The following HYOU1 variants were observed in gnomAD, a reference collection of about 807,000 sequenced individuals.
The protein encoded by HYOU1 is hypoxia up-regulated 1.
In HYOU1, 40 loss-of-function variants were observed where a neutral mutation model predicts 120.5. That is an observed-to-expected ratio of 0.33 (90% CI 0.26 to 0.43). The LOEUF is 0.43. HYOU1 is among the 20% of genes least tolerant of loss of function. The pLI is 1.00. For missense variants in HYOU1, 1,085 were observed against 1,278.3 expected, an observed-to-expected ratio of 0.85 and a Z score of 2.31; for synonymous variants, 501 against 479.4, an observed-to-expected ratio of 1.05 and a Z score of -0.59.
In HYOU1 at chr11:119,055,350, A is replaced by G. The variant is rs1314606536; in HGVS notation, c.265-11T>C. ...TGGATTCTTAATCGCCTGAGGGGTG[A>G]AGAAGGAGCAGACTAGTATTAGGCT... On this transcript the variant is annotated splice_polypyrimidine_tract_variant and intron_variant, in intron 4 of 25. Coordinates refer to ENST00000617285, the MANE Select transcript of HYOU1 (RefSeq NM_006389.5). The surrounding 1 kb of genome is among the most constrained non-coding windows in gnomAD (Gnocchi z 4.0). 7 of 1,612,000 alleles carry G rather than the reference A, an allele frequency of 4.3e-6. No homozygotes were observed. Among genetic ancestry groups the G allele is most frequent in the African/African-American group, 1.3e-5 (1 of 74,814 alleles).
rs2133550889 is a variant in HYOU1, at chr11:119,046,552, C to T, written c.2836+10G>A. 3.5e-5 allele frequency: 57 copies of T among 1,613,650 alleles called. No individual in the cohort carries two copies. Among genetic ancestry groups the T allele is most frequent in the African/African-American group, 8.0e-5 (6 of 74,920 alleles). On this transcript the variant is annotated intron_variant, in intron 23 of 25. Coordinates refer to ENST00000617285, the MANE Select transcript of HYOU1 (RefSeq NM_006389.5). ...CCAGCAGAACATGCAGCCAGGTACC[C>T]TGTTCTCACCTGCTGGAGGGATGAC...
chr11:119,051,840 A>G lies in HYOU1; in HGVS notation c.1317T>C (p.Asp439=). 1 of 1,614,164 alleles carries G rather than the reference A, an allele frequency of 6.2e-7. No individual in the cohort carries two copies. ...TCACCAGGATGGGGTAGACCACTGC[A>G]TCTCGGACGACAAATGGCTTCACTT... ...AFKVKPFVVR[D]AVVYPILVEF... is the part of the protein sequence containing the mutation. Residue 439 remains aspartate (D), a synonymous_variant, in exon 12 of 26, where the codon GAT becomes GAC. Coordinates refer to ENST00000617285, the MANE Select transcript of HYOU1 (RefSeq NM_006389.5). This position sits in a 1 kb window ranked among gnomAD's most constrained non-coding sequence, Gnocchi z 4.2.
chr11:119,046,680 G>A lies in HYOU1; in HGVS notation c.2718C>T (p.Leu906=), dbSNP rs2133552351. The A allele has an allele frequency of 6.2e-7, 1 of 1,614,064 alleles. No individual in the cohort carries two copies. Among genetic ancestry groups the A allele is most frequent in the South Asian group, 1.1e-5 (1 of 91,070 alleles). The change falls in exon 23 of 26, where the codon CTC becomes CTT. Residue 906 remains leucine, a synonymous_variant. Transcript: ENST00000617285. ...GGGGCTTGGTAAACTTGGCCTTATTGAGCAGATACTGCACCTCTCGGTCCA... is the reference window on the plus strand; with the variant it reads ...GGGGCTTGGTAAACTTGGCCTTATTAAGCAGATACTGCACCTCTCGGTCCA... The part of the protein sequence containing the change: ...MALDREVQYL[L]NKAKFTKPRP...
Position 119,047,781 on chromosome 11 carries a change from T to G in HYOU1, c.2548A>C (p.Thr850Pro). 1.2e-6 allele frequency: 2 copies of G among 1,614,022 alleles called. No individual in the cohort carries two copies. The highest frequency in any genetic ancestry group is 1.7e-6 in the Non-Finnish European group (2 of 1,179,994). Residue 850 changes from threonine (T) to proline (P), a missense_variant, in exon 22 of 26, where the codon ACT (threonine) becomes CCT (proline). Physicochemically the swap from Thr to Pro is conservative, Grantham distance 38. Transcript: ENST00000617285. ...RLIPEMDQIF[T>P]EVEMTTLEKV... ...TCTAACGTTGTCATCTCCACCTCAG[T>G]GAAGATCTGGTCCATCTCTGGGATG...
chr11:119,046,692 C>T lies in HYOU1; in HGVS notation c.2706G>A (p.Val902=). The T allele has an allele frequency of 1.2e-6, 2 of 1,613,866 alleles. 1 individual carries two copies. The highest frequency in any genetic ancestry group is 2.2e-5 in the South Asian group (2 of 91,082). The change falls in exon 23 of 26, where the codon GTG becomes GTA. Residue 902 remains valine (V), a synonymous_variant. Coordinates refer to ENST00000617285, the MANE Select transcript of HYOU1 (RefSeq NM_006389.5). Reference sequence around the variant, plus strand: ...ACTTGGCCTTATTGAGCAGATACTGCACCTCTCGGTCCAGGGCCATCATCT... The same window carrying T: ...ACTTGGCCTTATTGAGCAGATACTGTACCTCTCGGTCCAGGGCCATCATCT... ...EAKMMALDRE[V]QYLLNKAKFT...
intron 22 of HYOU1, among the ~76,000 whole-genome samples, 186 bp from the exon 23 acceptor site, chr11:119,046,988 C>T (rs2133554584): frequency 6.6e-6 from 1 of 152,204 alleles, no homozygotes; most frequent in African/African-American, 2.4e-5. Context: ...CAATGAAGTC[C>T]CAACCTGCAG....
Position 119,048,781 on chromosome 11 carries a change from C to T in HYOU1, c.2098G>A (p.Gly700Arg), listed in dbSNP as rs2133567055. ...ARKRRMVEEI[G>R]VELVVLDLPD... ...AGGTCCAGAACAACCAGCTCCACCC[C>T]GATCTCCTCTACCATTCGCCGCTTC... The change falls in exon 18 of 26, where the codon GGG becomes AGG. Residue 700 changes from glycine (G) to arginine (R), a missense_variant. Physicochemically the swap from Gly to Arg is moderately radical, Grantham distance 125. Coordinates refer to ENST00000617285, the MANE Select transcript of HYOU1 (RefSeq NM_006389.5). This position sits in a 1 kb window ranked among gnomAD's most constrained non-coding sequence, Gnocchi z 4.7. 1.1e-5 allele frequency: 17 copies of T among 1,613,994 alleles called. No individual in the cohort carries two copies. Among genetic ancestry groups the T allele is most frequent in the Admixed American group, 1.7e-5 (1 of 59,976 alleles).
chr11:119,048,515 T>C lies in HYOU1; in HGVS notation c.2214A>G (p.Lys738=), dbSNP rs2133565003. The C allele has an allele frequency of 6.2e-7, 1 of 1,612,184 alleles. No homozygotes were observed. Among genetic ancestry groups the C allele is most frequent in the South Asian group, 1.1e-5 (1 of 90,974 alleles). The change falls in exon 19 of 26, where the codon AAA becomes AAG. Residue 738 remains lysine (K), a synonymous_variant. Transcript: ENST00000617285. This position sits in a 1 kb window ranked among gnomAD's most constrained non-coding sequence, Gnocchi z 4.7. The part of the protein sequence containing the change: ...LRDLEKQERE[K]AANSLEAFIF... The stretch of plus-strand genomic sequence containing the variant: ...TGAATGCTTCCAAGCTGTTGGCAGC[T>C]TTTTCCCGTTCCTGCTTCTCCAGGT...
Position 119,051,332 on chromosome 11 carries a change from T to A in HYOU1, c.1526+106A>T. ...AGCGAAGCTGATCATAGCTGCCCTG[T>A]TTCAGCCCCGCAGGCCCACATCCTC... On this transcript the variant is annotated intron_variant, in intron 13 of 25. Coordinates refer to ENST00000617285, the MANE Select transcript of HYOU1 (RefSeq NM_006389.5). The surrounding 1 kb of genome is among the most constrained non-coding windows in gnomAD (Gnocchi z 4.2). The A allele has an allele frequency of 6.0e-6, 9 of 1,491,530 alleles. No homozygotes were observed. In the South Asian group the frequency reaches 6.1e-5, roughly 10 times the overall value. 92.4% of individuals were successfully genotyped at this position (1,491,530 alleles called of 1,614,324 possible).
rs2133558306 is a variant in HYOU1 at position 119,047,810 on chromosome 11, C to T, written c.2519G>A (p.Arg840Gln). The T allele has an allele frequency of 3.2e-5, 52 of 1,613,732 alleles. No individual in the cohort carries two copies. The East Asian group carries it at 7.8e-4, about 24-fold the overall frequency. ...GATCTGGTCCATCTCTGGGATGAGC[C>T]GGGCCCCCCTGGAAGCCAGAAAGGA... ...NHSSMFLKGARLIPEMDQIFT... is the reference protein window; with the variant it reads ...NHSSMFLKGAQLIPEMDQIFT... Residue 840 changes from arginine to glutamine, a missense_variant, in exon 22 of 26, where the codon CGG becomes CAG. Physicochemically the swap from Arg to Gln is conservative, Grantham distance 43. Coordinates refer to ENST00000617285, the MANE Select transcript of HYOU1 (RefSeq NM_006389.5).
Position 119,045,061 on chromosome 11 carries a change from G to C in HYOU1, c.*532C>G. 2.3e-6 allele frequency: 1 copy of C among 443,746 alleles called. No individual in the cohort carries two copies. Among genetic ancestry groups the C allele is most frequent in the Non-Finnish European group, 4.6e-6 (1 of 216,332 alleles). The allele number at this position is 443,746 out of a possible 1,614,324, so 27.5% of individuals were successfully genotyped here. On this transcript the variant is annotated 3_prime_UTR_variant, in exon 26 of 26. Coordinates refer to ENST00000617285, the MANE Select transcript of HYOU1 (RefSeq NM_006389.5). ...AGGAGCTGGATGGGAATGGGGAAGG[G>C]AGGCTCAGAGCAAGAGAAGCCCGCA...
chr11:119,056,268 T>C (rs782499304), intron 1 of HYOU1, 101 bp from the exon 2 acceptor site: 27 of 837,286 alleles, frequency 3.2e-5, no homozygotes, highest in Non-Finnish European at 4.7e-5. Flanking sequence ...TCATATCTAC[T>C]TCATTCTTAC....
At position 119,045,363 on chromosome 11, in the gene HYOU1, AG is replaced by A. The variant is rs34038139; in HGVS notation, c.*229del. ...TTTAGGGCCTATATGGGTAGGGAAC[AG>A]GGAGTGGGGCTGGGGAGGAGAACAG... On this transcript the variant is annotated 3_prime_UTR_variant, in exon 26 of 26. Coordinates refer to ENST00000617285, the MANE Select transcript of HYOU1 (RefSeq NM_006389.5). 8.8e-6 allele frequency: 6 copies of A among 679,434 alleles called. No individual in the cohort carries two copies. The highest frequency in any genetic ancestry group is 1.3e-5 in the Non-Finnish European group (5 of 371,728). The allele number at this position is 679,434 out of a possible 1,614,324, so 42.1% of individuals were successfully genotyped here.
In HYOU1 at chr11:119,049,203, C is replaced by A; in HGVS notation, c.1807G>T (p.Glu603Ter). ...AKENGTDTVQ[E>*]EEESPAEGSK... ...CCCTCTGCAGGGCTCTCCTCTTCCT[C>A]CTGGGAAACACCACAGGCGCCCCAG... Residue 603 changes from glutamate to a stop codon, truncating the protein, a stop_gained and splice_region_variant, in exon 17 of 26, where the codon GAG (glutamate) becomes TAG (stop). Transcript: ENST00000617285. LOFTEE classifies it high-confidence loss of function. 1.3e-6 allele frequency: 2 copies of A among 1,591,950 alleles called. No homozygotes were observed. The highest frequency in any genetic ancestry group is 1.7e-6 in the Non-Finnish European group (2 of 1,169,848).
rs1944011856 is a variant in HYOU1, at chr11:119,045,563, G to A, written c.*30C>T. On this transcript the variant is annotated 3_prime_UTR_variant, in exon 26 of 26. Coordinates refer to ENST00000617285, the MANE Select transcript of HYOU1 (RefSeq NM_006389.5). ...AATAGAAGTGGTGGGGGAAGGGGGT[G>A]GAGATGAATGGGGAAAACAGAGGTG... 2.5e-6 allele frequency: 4 copies of A among 1,573,664 alleles called. No homozygotes were observed. The highest frequency in any genetic ancestry group is 2.6e-6 in the Non-Finnish European group (3 of 1,142,942).
In HYOU1 at chr11:119,049,567, C is replaced by G. The variant is rs1416300629; in HGVS notation, c.1795G>C (p.Asp599His). 6.2e-7 allele frequency: 1 copy of G among 1,614,028 alleles called. No homozygotes were observed. The highest frequency in any genetic ancestry group is 1.3e-5 in the African/African-American group (1 of 74,916). ...TTPDAKENGT[D>H]TVQEEEESPA... ...CATCCTGAACTCACCTGGACAGTAT[C>G]AGTACCATTCTCCTTGGCATCTGGT... The change falls in exon 16 of 26, where the codon GAT becomes CAT. Residue 599 changes from aspartate (D) to histidine (H), a missense_variant. By Grantham distance (81) the Asp-to-His change is moderately conservative. This residue lies in a region of HYOU1 where 516 missense variants were observed against 517.1 expected (regional missense o/e 1.00). Transcript: ENST00000617285.
intron 24 of HYOU1, 128 bp from the exon 25 acceptor site, chr11:119,045,959 T>C (rs910902724): frequency 7.8e-6 from 7 of 896,622 alleles, no homozygotes; most frequent in Non-Finnish European, 1.1e-5. Context: ...TTTGGTCTCT[T>C]TGCCTACTCT....
At chr11:119,054,958 C>T in intron 6 of HYOU1, 26 bp downstream of exon 6, 16 of 1,610,780 alleles carry the variant, frequency 9.9e-6, no homozygotes, top group Non-Finnish European at 1.4e-5. Context: ...GAGCCTGGCC[C>T]TAAGGGCCCC....
chr11:119,047,386 G>A, intron 22 of HYOU1: 1 of 278,918 alleles, frequency 3.6e-6, no homozygotes, highest in South Asian at 4.0e-5. Flanking sequence ...CTGAGCTCTG[G>A]CTCAAGAGTC....
Sources: gnomAD v4.1 joint callset for allele counts (sites outside exome capture counted in the v4.1 genomes callset) on GRCh38, gnomAD v4.1.1 for gene constraint, gnomAD v4.1.1 regional missense constraint, Gnocchi (gnomAD v3.1) non-coding constraint, MANE v1.5 for transcripts, NCBI Gene and HGNC (gene_info 2026-07-23, HGNC 2026-07-21) for gene names.